The following GJA8 variants were observed in gnomAD, a reference collection of about 807,000 sequenced individuals.
GJA8 encodes the protein gap junction alpha-8 protein.
A neutral mutation model predicts 15.3 loss-of-function variants in GJA8; 13 were observed. The ratio of observed to expected loss-of-function variants is 0.85; its 90% CI spans 0.55 to 1.35. The LOEUF is 1.35. Ranked by LOEUF, GJA8 falls within the 40% of genes most tolerant of loss-of-function variation. GJA8 has a pLI of 0.00. For missense variants in GJA8, 607 were observed against 553.3 expected (o/e 1.10, Z -0.97); for synonymous variants, 304 against 238.7 (o/e 1.27, Z -2.52).
At chr1:147,909,502 C>T (rs1458744974), downstream of GJA8, among the ~76,000 whole-genome samples, 1 of 152,144 alleles carries the variant, frequency 6.6e-6, no homozygotes, top group Non-Finnish European at 1.5e-5. Context: ...AGGACTACCC[C>T]GCTCCTCCAA....
downstream of GJA8, among the ~76,000 whole-genome samples, chr1:147,910,875 G>A (rs1652089844): frequency 6.6e-6 from 1 of 152,126 alleles, no homozygotes; most frequent in Admixed American, 6.5e-5. Context: ...AGGACACAGA[G>A]GCTAAAGGGA....
chr1:147,912,895 TAAAAAAAA>T (rs782718322), downstream of GJA8, among the ~76,000 whole-genome samples: 10 of 118,974 alleles, frequency 8.4e-5, no homozygotes, highest in Admixed American at 2.6e-4. Context: ...GGGCATTATT[TAAAAAAAA>T]AAAAAAAAAA....
Position 147,909,001 on chromosome 1 carries a change from A to C in GJA8, c.1046A>C (p.Lys349Thr), listed in dbSNP as rs1553242976. ...GGAGCCGAACCCGAGGTGGGAGAGA[A>C]GAAGGAGGAAGCAGAGAGGCTGACC... ...EEGAEPEVGE[K>T]KEEAERLTTE... The change falls in exon 2 of 2, where the codon AAG becomes ACG. Residue 349 changes from lysine to threonine, a missense_variant. Lys to Thr is a moderately conservative substitution (Grantham distance 78, BLOSUM62 -1). Transcript: ENST00000369235. 4 of 1,594,362 alleles carry C rather than the reference A, an allele frequency of 2.5e-6. No homozygotes were observed. The highest frequency in any genetic ancestry group is 3.4e-6 in the Non-Finnish European group (4 of 1,169,732).
intron 1 of GJA8, 100 bp from the exon 2 acceptor site, chr1:147,907,845 C>A (rs1651857769): frequency 3.6e-6 from 3 of 841,644 alleles, no homozygotes; most frequent in African/African-American, 1.7e-5. Flanking sequence ...ACCGTTCTGG[C>A]AACTTGGAAA....
intron 1 of GJA8, among the ~76,000 whole-genome samples, chr1:147,907,039 C>T (rs960593577): frequency 6.6e-5 from 10 of 152,152 alleles, no homozygotes; most frequent in African/African-American, 1.7e-4. Context: ...GCATGCACCA[C>T]CGAGCCCAGC....
At chr1:147,910,605 G>T (rs782629021), downstream of GJA8, among the ~76,000 whole-genome samples, 1 of 152,196 alleles carries the variant, frequency 6.6e-6, no homozygotes, top group Non-Finnish European at 1.5e-5. Flanking sequence ...TTTTCCTGAA[G>T]CAAAGAAGAT....
downstream of GJA8, among the ~76,000 whole-genome samples, chr1:147,911,073 T>C (rs1448006777): frequency 6.6e-6 from 1 of 152,160 alleles, no homozygotes; most frequent in Non-Finnish European, 1.5e-5. Flanking sequence ...AGCAACACTA[T>C]GCTTCATGGA....
intron 1 of GJA8, among the ~76,000 whole-genome samples, chr1:147,904,047 C>T (rs9437984): frequency 0.55 from 83,724 of 151,326 alleles, 24,110 homozygotes; most frequent in African/African-American, 0.72. Context: ...TTCTCCTGCC[C>T]CAGCCTCCCA....
Position 147,909,237 on chromosome 1 carries a change from T to C in GJA8, c.1282T>C (p.Ser428Pro). 6.7e-7 allele frequency: 1 copy of C among 1,495,632 alleles called. No individual in the cohort carries two copies. The highest frequency in any genetic ancestry group is 9.1e-7 in the Non-Finnish European group (1 of 1,093,908). 92.6% of individuals were successfully genotyped at this position (1,495,632 alleles called of 1,614,324 possible). Residue 428 changes from serine (S) to proline (P), a missense_variant, in exon 2 of 2, where the codon TCA (serine) becomes CCA (proline). Physicochemically the swap from Ser to Pro is moderately conservative, Grantham distance 74 (BLOSUM62 -1). Coordinates refer to ENST00000369235, the MANE Select transcript of GJA8 (RefSeq NM_005267.5). ...RLSKASSRAR[S>P]DDLTV ...AAGCAAAGCCAGCAGCCGAGCCAGG[T>C]CAGACGATCTAACCGTATGAAGTGA...
Position 147,908,279 on chromosome 1 carries a change from C to T in GJA8, c.324C>T (p.Ser108=). 1 of 1,614,180 alleles carries T rather than the reference C, an allele frequency of 6.2e-7. No homozygotes were observed. The highest frequency in any genetic ancestry group is 1.1e-5 in the South Asian group (1 of 91,082). Residue 108 remains serine (S), a synonymous_variant, in exon 2 of 2, where the codon AGC becomes AGT. Coordinates refer to ENST00000369235, the MANE Select transcript of GJA8 (RefSeq NM_005267.5). Reference sequence around the variant, plus strand: ...TCCGCATGGAGGAGAAGCGCAAAAGCCGCGAGGCGGAGGAGCTGGGCCAGC... The same window carrying T: ...TCCGCATGGAGGAGAAGCGCAAAAGTCGCGAGGCGGAGGAGCTGGGCCAGC... The part of the protein sequence containing the change: ...HYVRMEEKRK[S]REAEELGQQA...
intron 1 of GJA8, 79 bp from the exon 2 acceptor site, chr1:147,907,866 C>A: frequency 1.0e-6 from 1 of 990,406 alleles, no homozygotes; most frequent in South Asian, 1.3e-5. Flanking sequence ...GGAGAGGTAC[C>A]CCGCGTTAGC....
downstream of GJA8, among the ~76,000 whole-genome samples, chr1:147,911,173 A>T (rs1221267883): frequency 6.6e-6 from 1 of 152,190 alleles, no homozygotes. Context: ...CCCAAAAGGG[A>T]TACTTAGAAA....
chr1:147,906,173 C>G (rs1651788343), intron 1 of GJA8, among the ~76,000 whole-genome samples: 1 of 152,228 alleles, frequency 6.6e-6, no homozygotes, highest in Admixed American at 6.5e-5. Flanking sequence ...CCATAGGTTC[C>G]TAGGCCTATA....
chr1:147,911,581 C>T (rs189115371), downstream of GJA8, among the ~76,000 whole-genome samples: 14 of 152,138 alleles, frequency 9.2e-5, no homozygotes, highest in East Asian at 1.7e-3. Context: ...TTAATCTTAC[C>T]CCTAGCAAGC....
chr1:147,909,178 T>C lies in GJA8; in HGVS notation c.1223T>C (p.Leu408Pro), dbSNP rs782322815. 3 of 1,611,740 alleles carry C rather than the reference T, an allele frequency of 1.9e-6. No homozygotes were observed. Among genetic ancestry groups the C allele is most frequent in the South Asian group, 2.2e-5 (2 of 91,018 alleles). The change falls in exon 2 of 2, where the codon CTG (leucine) becomes CCG (proline). Residue 408 changes from leucine to proline, a missense_variant. By Grantham distance (98) the Leu-to-Pro change is moderately conservative. Coordinates refer to ENST00000369235, the MANE Select transcript of GJA8 (RefSeq NM_005267.5). ...AAGACACCTTCACTCTGTCCAGAGC[T>C]GACAACAGATGATGCCAGACCCCTG... is the stretch of plus-strand genomic sequence containing the variant. ...AEKTPSLCPE[L>P]TTDDARPLSR...
rs962664876 is a variant in GJA8 at position 147,908,144 on chromosome 1, C to T, written c.189C>T (p.Asn63=). 3.2e-5 allele frequency: 51 copies of T among 1,614,076 alleles called. No homozygotes were observed. Among genetic ancestry groups the T allele is most frequent in the Non-Finnish European group, 3.8e-5 (45 of 1,180,010 alleles). ...ACACCCAGCAGCCTGGCTGCGAGAA[C>T]GTCTGCTACGACGAGGCCTTTCCCA... ...VCNTQQPGCE[N]VCYDEAFPIS... is the part of the protein sequence containing the mutation. The change falls in exon 2 of 2, where the codon AAC becomes AAT. Residue 63 remains asparagine, a synonymous_variant. Coordinates refer to ENST00000369235, the MANE Select transcript of GJA8 (RefSeq NM_005267.5).
downstream of GJA8, among the ~76,000 whole-genome samples, chr1:147,914,000 G>A (rs1336032628): frequency 3.3e-5 from 5 of 152,066 alleles, no homozygotes; most frequent in African/African-American, 4.8e-5. Flanking sequence ...AAAAATTCTC[G>A]GTTCAGCATT....
In GJA8 at chr1:147,909,242, C is replaced by T. The variant is rs1651988158; in HGVS notation, c.1287C>T (p.Asp429=). ...LSKASSRARS[D]DLTV ...AAGCCAGCAGCCGAGCCAGGTCAGA[C>T]GATCTAACCGTATGAAGTGACGCCA... is the stretch of plus-strand genomic sequence containing the variant. Residue 429 remains aspartate (D), a synonymous_variant, in exon 2 of 2, where the codon GAC becomes GAT. Coordinates refer to ENST00000369235, the MANE Select transcript of GJA8 (RefSeq NM_005267.5). 2.0e-6 allele frequency: 3 copies of T among 1,493,072 alleles called. No homozygotes were observed. The highest frequency in any genetic ancestry group is 2.8e-5 in the African/African-American group (2 of 71,022). The allele number at this position is 1,493,072 out of a possible 1,614,324, so 92.5% of individuals were successfully genotyped here.
rs781873537 is a variant in GJA8, at chr1:147,908,353, G to A, written c.398G>A (p.Ser133Asn). 6.2e-6 allele frequency: 10 copies of A among 1,614,118 alleles called. No homozygotes were observed. The highest frequency in any genetic ancestry group is 1.3e-5 in the African/African-American group (1 of 74,938). The change falls in exon 2 of 2, where the codon AGC (serine) becomes AAC (asparagine). Residue 133 changes from serine to asparagine, a missense_variant. Ser to Asn is a conservative substitution (Grantham distance 46). Coordinates refer to ENST00000369235, the MANE Select transcript of GJA8 (RefSeq NM_005267.5). The part of the protein sequence containing the change: ...GPDQGSVKKS[S>N]GSKGTKKFRL... ...GACCAGGGCAGCGTCAAGAAGAGCA[G>A]CGGCAGCAAAGGCACTAAGAAGTTC... is the stretch of plus-strand genomic sequence containing the variant.
Sources: gnomAD v4.1 joint callset for allele counts (sites outside exome capture counted in the v4.1 genomes callset) on GRCh38, gnomAD v4.1.1 for gene constraint, MANE v1.5 for transcripts, NCBI Gene and HGNC (gene_info 2026-07-23, HGNC 2026-07-21) for gene names.